COMMD7: variants seen among roughly 807,000 people sequenced by gnomAD.
COMMD7 encodes the protein COMM domain containing 7, also known as COMM domain-containing protein 7.
A neutral mutation model predicts 34.8 loss-of-function variants in COMMD7; 28 were observed. The ratio of observed to expected loss-of-function variants is 0.80; its 90% confidence interval spans 0.60 to 1.10. COMMD7 has a LOEUF of 1.10. Ranked by LOEUF, COMMD7 falls within the 50% of genes least tolerant of loss-of-function variation. The probability of loss-of-function intolerance (pLI) is 0.00; values close to 1 mark genes in which losing one functional copy is unlikely to be tolerated. For synonymous variants in COMMD7, 80 were observed against 86.4 expected (o/e 0.93, Z 0.41); for missense variants, 211 against 241.6 (o/e 0.87, Z 0.84).
At chr20:32,709,184 C>T (rs1984271776) in intron 3 of COMMD7, among the ~76,000 whole-genome samples, 1 of 151,814 alleles carries the variant, frequency 6.6e-6, no homozygotes, top group Non-Finnish European at 1.5e-5. Context: ...GCCTGTAATG[C>T]CAGCACTTTG....
intron 3 of COMMD7, among the ~76,000 whole-genome samples, chr20:32,710,656 G>C (rs747368527): frequency 6.7e-6 from 1 of 150,264 alleles, no homozygotes; most frequent in South Asian, 2.1e-4. Context: ...TTGAGCCCAG[G>C]AGGTTGAGGC....
intron 1 of COMMD7, among the ~76,000 whole-genome samples, chr20:32,739,468 A>T (rs1601010849): frequency 6.6e-6 from 1 of 151,786 alleles, no homozygotes. Context: ...AAGCGGTGAA[A>T]CCCCATCTCT....
At chr20:32,733,753 T>C (rs1464552093) in intron 1 of COMMD7, among the ~76,000 whole-genome samples, 2 of 142,914 alleles carry the variant, frequency 1.4e-5, no homozygotes, top group Non-Finnish European at 3.0e-5. Flanking sequence ...GGCGTGGTGG[T>C]GTGCGTCTAT....
chr20:32,714,522 T>C (rs1984656778), intron 3 of COMMD7, among the ~76,000 whole-genome samples: 1 of 151,712 alleles, frequency 6.6e-6, no homozygotes, highest in Non-Finnish European at 1.5e-5. Flanking sequence ...ACCCCGTCTC[T>C]ACTAATAATA....
chr20:32,736,040 C>T (rs747640566), intron 1 of COMMD7, among the ~76,000 whole-genome samples: 8 of 152,170 alleles, frequency 5.3e-5, no homozygotes, highest in Non-Finnish European at 1.0e-4. Context: ...TTGGTACTAT[C>T]TGCTTCTTCA....
At chr20:32,733,199 A>G (rs757402884) in intron 1 of COMMD7, among the ~76,000 whole-genome samples, 4 of 152,074 alleles carry the variant, frequency 2.6e-5, no homozygotes, top group Non-Finnish European at 4.4e-5. Context: ...TGGGCAACAG[A>G]GTAAGACTCC....
At chr20:32,732,699 G>T (rs1985908108) in intron 1 of COMMD7, among the ~76,000 whole-genome samples, 1 of 151,768 alleles carries the variant, frequency 6.6e-6, no homozygotes, top group Admixed American at 6.6e-5. Flanking sequence ...GGCGGAGGTG[G>T]GTGGATCACG....
At position 32,703,423 on chromosome 20, in the gene COMMD7, C is replaced by T. The variant is rs748683170; in HGVS notation, c.562G>A (p.Glu188Lys). 14 of 1,613,806 alleles carry T rather than the reference C, an allele frequency of 8.7e-6. No homozygotes were observed. Among genetic ancestry groups the T allele is most frequent in the East Asian group, 4.5e-5 (2 of 44,882 alleles). The change falls in exon 9 of 9, where the codon GAG (glutamate) becomes AAG (lysine). Residue 188 changes from glutamate to lysine, a missense_variant. Transcript: ENST00000278980. ...TLPQFYSFLHEMERVRTSMEC... is the reference protein window; with the variant it reads ...TLPQFYSFLHKMERVRTSMEC... ...ATGCTGGTTCTGACTCGCTCCATCT[C>T]GTGCAGGAAGCTGTAGAACTGAGGC...
At chr20:32,709,550 A>G (rs1302943818) in intron 3 of COMMD7, among the ~76,000 whole-genome samples, 3 of 152,224 alleles carry the variant, frequency 2.0e-5, no homozygotes, top group African/African-American at 4.8e-5. Context: ...ACTCCGTCTC[A>G]AAAACAAACG....
chr20:32,742,080 C>T (rs543427455), intron 1 of COMMD7, among the ~76,000 whole-genome samples: 3 of 151,980 alleles, frequency 2.0e-5, no homozygotes, highest in South Asian at 2.1e-4. Flanking sequence ...CCCAGTTACT[C>T]GGGAGACTGA....
At chr20:32,739,525 C>G (rs11699342) in intron 1 of COMMD7, among the ~76,000 whole-genome samples, 98,340 of 145,516 alleles carry the variant, frequency 0.68, 33,939 homozygotes, top group Middle Eastern at 0.82. Flanking sequence ...GGTGCCTGTA[C>G]TCCCAGCTAC....
chr20:32,739,776 G>A (rs187850715), intron 1 of COMMD7, among the ~76,000 whole-genome samples: 1 of 141,794 alleles, frequency 7.1e-6, no homozygotes, highest in Non-Finnish European at 1.5e-5. Context: ...CCAGCACTTT[G>A]GGGGGCCAAG....
At chr20:32,717,048 G>T (rs1319161907) in intron 3 of COMMD7, among the ~76,000 whole-genome samples, 2 of 152,080 alleles carry the variant, frequency 1.3e-5, no homozygotes, top group Non-Finnish European at 2.9e-5. Context: ...AGCCAGAATG[G>T]TCTTGATCTC....
chr20:32,709,399 CAA>C (rs60023181), intron 3 of COMMD7, among the ~76,000 whole-genome samples: 96,058 of 141,970 alleles, frequency 0.68, 32,284 homozygotes, highest in Middle Eastern at 0.8. Flanking sequence ...AACTCTGTCT[CAA>C]AAAAAAAAAA....
At chr20:32,710,889 G>A (rs775160604) in intron 3 of COMMD7, among the ~76,000 whole-genome samples, 28 of 152,084 alleles carry the variant, frequency 1.8e-4, no homozygotes, top group Non-Finnish European at 3.2e-4. Flanking sequence ...GACTAGCCTG[G>A]GCATCATAGC....
At chr20:32,732,922 T>A (rs191710967) in intron 1 of COMMD7, among the ~76,000 whole-genome samples, 50 of 149,838 alleles carry the variant, frequency 3.3e-4, no homozygotes, top group Non-Finnish European at 1.6e-4. Flanking sequence ...GGCGACAGAG[T>A]GAGATTCCAT....
In COMMD7 at chr20:32,704,877, G is replaced by A. The variant is rs776549819; in HGVS notation, c.364C>T (p.Arg122Ter). ...ATCAGAGTCTGACCTATGGCCCATC[G>A]AGCAAGGGTGGGAGCATTCTGCTTC... ...KWKQNAPTLA[R>*]WAIGQTLMIN... Residue 122 changes from arginine (R) to a stop codon, truncating the protein, a stop_gained, in exon 6 of 9, where the codon CGA becomes TGA. Coordinates refer to ENST00000278980, the MANE Select transcript of COMMD7 (RefSeq NM_053041.3). LOFTEE classifies it high-confidence loss of function. 6.2e-6 allele frequency: 10 copies of A among 1,613,916 alleles called. No individual in the cohort carries two copies. Among genetic ancestry groups the A allele is most frequent in the South Asian group, 2.2e-5 (2 of 91,056 alleles).
intron 1 of COMMD7, among the ~76,000 whole-genome samples, chr20:32,730,296 T>C (rs892500486): frequency 4.6e-5 from 7 of 152,078 alleles, no homozygotes; most frequent in Non-Finnish European, 8.8e-5. Context: ...GGCTCACGCA[T>C]GTAATCCCAG....
chr20:32,730,542 G>A (rs1015266794), intron 1 of COMMD7, among the ~76,000 whole-genome samples: 23 of 144,750 alleles, frequency 1.6e-4, no homozygotes, highest in African/African-American at 5.9e-4. Context: ...GTGACAGAGC[G>A]AGACTCCGTT....
Sources: allele counts gnomAD v4.1 joint callset (sites outside exome capture counted in the v4.1 genomes callset), GRCh38; gene constraint gnomAD v4.1.1; transcripts MANE v1.5; gene names NCBI Gene and HGNC (gene_info 2026-07-23, HGNC 2026-07-21).